CELSR1: variants seen among roughly 807,000 people sequenced by gnomAD.
The protein encoded by CELSR1 is cadherin EGF LAG seven-pass G-type receptor 1.
A neutral mutation model predicts 249.1 loss-of-function variants in CELSR1; 110 were observed. That is an observed-to-expected ratio of 0.44 (90% CI 0.38 to 0.52). The LOEUF (loss-of-function observed/expected upper bound fraction) is 0.52, where lower values mean the gene tolerates loss of function less well. Among genes scored for constraint, CELSR1 ranks in the 20% least tolerant of loss-of-function variants. The pLI, the probability that CELSR1 is intolerant of heterozygous loss-of-function variation, is 0.00. For synonymous variants in CELSR1, 2,113 were observed against 1,900.0 expected (o/e 1.11, Z -2.92); for missense variants, 4,109 against 4,296.4 (o/e 0.96, Z 1.22).
intron 5 of CELSR1, among the ~76,000 whole-genome samples, chr22:46,422,272 A>AT (rs1246172460): frequency 2.0e-5 from 3 of 151,706 alleles, no homozygotes; most frequent in South Asian, 2.1e-4. Flanking sequence ...CGCCCGGCTA[A>AT]TTTTTTTGTA....
At chr22:46,373,867 A>T (rs2078888560) in intron 24 of CELSR1, among the ~76,000 whole-genome samples, 1 of 152,076 alleles carries the variant, frequency 6.6e-6, no homozygotes, top group South Asian at 2.1e-4. Flanking sequence ...GATACCCTTT[A>T]ACAGACACAG....
chr22:46,452,269 G>C (rs953824463), intron 2 of CELSR1, among the ~76,000 whole-genome samples: 1 of 152,090 alleles, frequency 6.6e-6, no homozygotes, highest in Admixed American at 6.6e-5. Flanking sequence ...GCATCTCCTG[G>C]AGCCTACACA....
At chr22:46,405,699 C>T (rs564319197) in intron 9 of CELSR1, among the ~76,000 whole-genome samples, 7 of 152,138 alleles carry the variant, frequency 4.6e-5, no homozygotes, top group Non-Finnish European at 5.9e-5. Context: ...TTTGGGTGCC[C>T]GAGAGCAATT....
chr22:46,438,614 C>T (rs552095558), intron 3 of CELSR1, among the ~76,000 whole-genome samples: 37 of 152,282 alleles, frequency 2.4e-4, no homozygotes, highest in Admixed American at 6.5e-4. Context: ...CAAGCAGCAG[C>T]GTAACATTCC....
At chr22:46,487,825 G>T (rs761922557) in intron 1 of CELSR1, among the ~76,000 whole-genome samples, 1 of 138,178 alleles carries the variant, frequency 7.2e-6, no homozygotes, top group Non-Finnish European at 1.6e-5. Flanking sequence ...CCAAAGTGCT[G>T]AAGGGGTTGG....
rs556505264 is a variant in CELSR1, at chr22:46,422,784, C to G, written c.4611+10609G>C. On this transcript the variant is annotated intron_variant, in intron 5 of 34. Coordinates refer to ENST00000674500, the MANE Select transcript of CELSR1 (RefSeq NM_001378328.1). The stretch of plus-strand genomic sequence containing the variant: ...TCCATCTCAAAAAAAAAAAAAATGG[C>G]TCATAGTCCCATGACCCAGATAACT... Among the ~76,000 whole-genome samples, 23 of 133,340 alleles carry G rather than the reference C, an allele frequency of 1.7e-4. No homozygotes were observed. The South Asian group carries it at 1.7e-3, about 10-fold the overall frequency. 87.5% of individuals were successfully genotyped at this position (133,340 alleles called of 152,430 possible). A position where few individuals can be genotyped will look rare whatever the true frequency, so the allele number is the denominator to read the frequency against.
chr22:46,482,526 T>TAG (rs1339883536), intron 1 of CELSR1, among the ~76,000 whole-genome samples: 4 of 151,824 alleles, frequency 2.6e-5, no homozygotes, highest in Non-Finnish European at 4.4e-5. Context: ...CCAAAGCACA[T>TAG]AGAGGTTAAG....
rs902158494 is a variant in CELSR1, at chr22:46,411,731, T to C, written c.4640A>G (p.His1547Arg). The change falls in exon 6 of 35, where the codon CAT (histidine) becomes CGT (arginine). Residue 1547 changes from histidine to arginine, a missense_variant. His to Arg is a conservative substitution (Grantham distance 29, BLOSUM62 0). Coordinates refer to ENST00000674500, the MANE Select transcript of CELSR1 (RefSeq NM_001378328.1). The surrounding 1 kb of genome is among the most constrained non-coding windows in gnomAD (Gnocchi z 4.2). ...KPNIGHLGLP[H>R]GPSGEKMAVV... is the part of the protein sequence containing the mutation. ...GGCCATCTTTTCCCCGGACGGCCCATGGGGCAGGCCCAGGTGGCCAATATT... is the reference window on the plus strand; with the variant it reads ...GGCCATCTTTTCCCCGGACGGCCCACGGGGCAGGCCCAGGTGGCCAATATT... 15 of 1,614,048 alleles carry C rather than the reference T, an allele frequency of 9.3e-6. No homozygotes were observed. Among genetic ancestry groups the C allele is most frequent in the Non-Finnish European group, 1.1e-5 (13 of 1,180,046 alleles).
At chr22:46,511,259 AG>A (rs1285827572) in intron 1 of CELSR1, among the ~76,000 whole-genome samples, 8 of 151,680 alleles carry the variant, frequency 5.3e-5, no homozygotes, top group African/African-American at 1.9e-4. Context: ...ACAGAGAAAA[AG>A]CACATGCAAC....
chr22:46,450,028 C>A (rs971050105), intron 2 of CELSR1, among the ~76,000 whole-genome samples: 2 of 152,202 alleles, frequency 1.3e-5, no homozygotes, highest in African/African-American at 4.8e-5. Context: ...GCAGTGGAGG[C>A]AGAGCCCCAG....
chr22:46,509,638 T>G (rs2080552267), intron 1 of CELSR1, among the ~76,000 whole-genome samples: 1 of 152,080 alleles, frequency 6.6e-6, no homozygotes, highest in African/African-American at 2.4e-5. Flanking sequence ...GCCCTGAATA[T>G]CAGCAGTGCC....
chr22:46,394,298 T>C (rs1048870894), intron 13 of CELSR1, 36 bp from the exon 14 acceptor site: 3 of 1,597,554 alleles, frequency 1.9e-6, no homozygotes, highest in African/African-American at 2.7e-5. Context: ...GGAAGGTTTA[T>C]GTAACTGTGC....
chr22:46,415,893 G>A (rs990582230), intron 5 of CELSR1, among the ~76,000 whole-genome samples: 1 of 152,208 alleles, frequency 6.6e-6, no homozygotes, highest in Non-Finnish European at 1.5e-5. Flanking sequence ...TGTGTGATCT[G>A]GGCTCAGATC....
intron 1 of CELSR1, among the ~76,000 whole-genome samples, chr22:46,520,275 G>A (rs949594866): frequency 1.3e-5 from 2 of 151,968 alleles, no homozygotes; most frequent in South Asian, 2.1e-4. Flanking sequence ...GGATGGCCTC[G>A]AACCCCAGGA....
intron 2 of CELSR1, among the ~76,000 whole-genome samples, chr22:46,461,382 C>G (rs1215132562): frequency 6.6e-6 from 1 of 152,210 alleles, no homozygotes; most frequent in Non-Finnish European, 1.5e-5. Context: ...CTGAGAAGCT[C>G]AGAAGGTGGG....
chr22:46,460,192 CACACACACACACACACA>C (rs1569179760), intron 2 of CELSR1, among the ~76,000 whole-genome samples: 42 of 100,474 alleles, frequency 4.2e-4, no homozygotes, highest in African/African-American at 1.6e-3. Context: ...CACACACACA[CACACACACACACACACA>C]CACACACCCA....
Position 46,396,052 on chromosome 22 carries a change from G to C in CELSR1, c.5843+553C>G, listed in dbSNP as rs1034838659. ...TGGGCCCAGTGAGGACTCCAGGTGAGTCATTTGCATGTTTCAGGTGTGGAC... is the reference window on the plus strand; with the variant it reads ...TGGGCCCAGTGAGGACTCCAGGTGACTCATTTGCATGTTTCAGGTGTGGAC... On this transcript the variant is annotated intron_variant, in intron 13 of 34. Coordinates refer to ENST00000674500, the MANE Select transcript of CELSR1 (RefSeq NM_001378328.1). The surrounding 1 kb of genome is among the most constrained non-coding windows in gnomAD (Gnocchi z 6.4). 6.6e-6 allele frequency among the ~76,000 whole-genome samples: 1 copy of C among 152,162 alleles called. No homozygotes were observed. Among genetic ancestry groups the C allele is most frequent in the Non-Finnish European group, 1.5e-5 (1 of 68,038 alleles).
At position 46,394,226 on chromosome 22, in the gene CELSR1, G is replaced by A; in HGVS notation, c.5880C>T (p.Asn1960=). 1 of 1,613,812 alleles carries A rather than the reference G, an allele frequency of 6.2e-7. No homozygotes were observed. Among genetic ancestry groups the A allele is most frequent in the Non-Finnish European group, 8.5e-7 (1 of 1,179,934 alleles). ...CACAGTGGCAGGGTCCACAGACGGG[G>A]TTCCCCCACCAGCCTCTGGGGCACG... ...DLPCPRGWWG[N]PVCGPCHCAV... is the part of the protein sequence containing the mutation. Residue 1960 remains asparagine, a synonymous_variant, in exon 14 of 35, where the codon AAC becomes AAT. Coordinates refer to ENST00000674500, the MANE Select transcript of CELSR1 (RefSeq NM_001378328.1).
chr22:46,414,784 G>A (rs1023374179), intron 5 of CELSR1, among the ~76,000 whole-genome samples: 25 of 152,232 alleles, frequency 1.6e-4, no homozygotes, highest in African/African-American at 4.8e-4. Context: ...AGCCCCAGGC[G>A]TGTACCCAAA....
Sources: allele counts gnomAD v4.1 joint callset (sites outside exome capture counted in the v4.1 genomes callset), GRCh38; gene constraint gnomAD v4.1.1; non-coding constraint Gnocchi (gnomAD v3.1); transcripts MANE v1.5; gene names NCBI Gene and HGNC (gene_info 2026-07-23, HGNC 2026-07-21).